RRH: variants seen among roughly 807,000 people sequenced by gnomAD.
RRH encodes the protein visual pigment-like receptor peropsin.
A neutral mutation model predicts 33.1 loss-of-function variants in RRH; 36 were observed. The observed-to-expected ratio is 1.09, with a 90% confidence interval of 0.83 to 1.44. The LOEUF (loss-of-function observed/expected upper bound fraction) is 1.44. RRH is among the 40% of genes most tolerant of loss of function. The probability of loss-of-function intolerance (pLI) is 0.00; values close to 1 mark genes in which losing one functional copy is unlikely to be tolerated. For synonymous variants in RRH, 124 were observed against 140.2 expected, an observed-to-expected ratio of 0.88 and a Z score of 0.82; for missense variants, 393 against 420.2, an observed-to-expected ratio of 0.94 and a Z score of 0.57.
In RRH at chr4:109,833,142, T is replaced by C. The variant is rs1215907588; in HGVS notation, c.110T>C (p.Met37Thr). The change falls in exon 2 of 7, where the codon ATG becomes ACG. Residue 37 changes from methionine to threonine, a missense_variant. Physicochemically the swap from Met to Thr is moderately conservative, Grantham distance 81. Transcript: ENST00000317735. The part of the protein sequence containing the change: ...IVATYLIMAG[M>T]ISIISNIIVL... ...ATATTTTTGTGTGTGTTCTCAGGTA[T>C]GATAAGTATTATCAGCAACATAATA... 8.7e-6 allele frequency: 14 copies of C among 1,612,020 alleles called. No homozygotes were observed. The highest frequency in any genetic ancestry group is 1.2e-5 in the Non-Finnish European group (14 of 1,178,228).
At chr4:109,843,146 G>A (rs889283210) in intron 6 of RRH, among the ~76,000 whole-genome samples, 1 of 152,116 alleles carries the variant, frequency 6.6e-6, no homozygotes, top group Non-Finnish European at 1.5e-5. Flanking sequence ...AACATAAAAG[G>A]CATCTGGATA....
intron 2 of RRH, among the ~76,000 whole-genome samples, chr4:109,834,337 T>A (rs1733831542): frequency 6.7e-6 from 1 of 149,028 alleles, no homozygotes; most frequent in Admixed American, 6.7e-5. Context: ...TTTTTTTTTT[T>A]TTTTTTATTT....
intron 2 of RRH, 130 bp from the exon 3 acceptor site, chr4:109,835,236 A>C: frequency 1.5e-6 from 1 of 680,768 alleles, no homozygotes; most frequent in Admixed American, 2.3e-5. Context: ...TTGACAATGA[A>C]GATGTATTTT....
At position 109,841,364 on chromosome 4, in the gene RRH, C is replaced by T. The variant is rs191252648; in HGVS notation, c.721-1105C>T. Among the ~76,000 whole-genome samples the T allele has an allele frequency of 5.4e-3, 823 of 152,242 alleles. 5 individuals are homozygous for T. Among genetic ancestry groups the T allele is most frequent in the Non-Finnish European group, 7.7e-3 (521 of 68,016 alleles). On this transcript the variant is annotated intron_variant, in intron 5 of 6. Transcript: ENST00000317735. ...AGGTACCCCTCTTTTCAATACAGTACTGAAGTGCTTAGCTGAACCTGGTGT... is the reference window on the plus strand; with the variant it reads ...AGGTACCCCTCTTTTCAATACAGTATTGAAGTGCTTAGCTGAACCTGGTGT...
intron 1 of RRH, among the ~76,000 whole-genome samples, chr4:109,829,093 T>A (rs769544979): frequency 1.8e-4 from 27 of 152,134 alleles, no homozygotes; most frequent in Admixed American, 3.9e-4. Flanking sequence ...GAGTTCATTA[T>A]TTTTTGGATT....
intron 4 of RRH, 127 bp downstream of exon 4, chr4:109,836,287 T>TTC: frequency 1.0e-6 from 1 of 971,644 alleles, no homozygotes; most frequent in Non-Finnish European, 1.6e-6. Context: ...CTGGTAGTGA[T>TTC]GATGTGATTC....
intron 6 of RRH, among the ~76,000 whole-genome samples, 161 bp from the exon 7 acceptor site, chr4:109,843,922 A>G (rs571965380): frequency 6.6e-6 from 1 of 152,334 alleles, no homozygotes; most frequent in African/African-American, 2.4e-5. Flanking sequence ...CATATACTTT[A>G]TATATTTATA....
At position 109,835,888 on chromosome 4, in the gene RRH, A is replaced by T. The variant is rs1733871631; in HGVS notation, c.398-119A>T. The stretch of plus-strand genomic sequence containing the variant: ...GTGTTGCACTCATGTTTTGGCTCCT[A>T]AGGCCAATCAAAGTGCTCTGTAAAG... On this transcript the variant is annotated intron_variant, in intron 3 of 6. Coordinates refer to ENST00000317735, the MANE Select transcript of RRH (RefSeq NM_006583.5). The T allele has an allele frequency of 6.4e-6, 8 of 1,249,756 alleles. No homozygotes were observed. In the Admixed American group the frequency reaches 1.3e-4, roughly 21 times the overall value. 77.4% of individuals were successfully genotyped at this position (1,249,756 alleles called of 1,614,324 possible). A position where few individuals can be genotyped will look rare whatever the true frequency, so the allele number is the denominator to read the frequency against.
At chr4:109,835,332 A>G (rs369033248) in intron 2 of RRH, 34 bp from the exon 3 acceptor site, 7 of 1,411,908 alleles carry the variant, frequency 5.0e-6, no homozygotes, top group Non-Finnish European at 6.0e-6. Context: ...GAGGGTGTTT[A>G]GAATGGTAGA....
intron 4 of RRH, among the ~76,000 whole-genome samples, chr4:109,836,846 G>T (rs2125893368): frequency 6.9e-6 from 1 of 143,922 alleles, no homozygotes; most frequent in Admixed American, 7.0e-5. Context: ...CTTCAGCCCA[G>T]GAGTTTGAGA....
At chr4:109,839,437 G>A (rs1297937327) in intron 5 of RRH, among the ~76,000 whole-genome samples, 2 of 152,106 alleles carry the variant, frequency 1.3e-5, no homozygotes, top group Non-Finnish European at 2.9e-5. Context: ...TTACAGATAG[G>A]AGAAAAACCA....
intron 2 of RRH, among the ~76,000 whole-genome samples, chr4:109,834,059 T>C (rs10020617): frequency 0.23 from 35,096 of 152,092 alleles, 5,092 homozygotes; most frequent in East Asian, 0.43. Flanking sequence ...CTCCCATGAA[T>C]GTTTTTCTCT....
Position 109,836,013 on chromosome 4 carries a change from G to A in RRH, c.404G>A (p.Arg135Lys). Reference protein sequence around the residue: ...LTICLPDVGRRMTTNTYIGLI... With the variant: ...LTICLPDVGRKMTTNTYIGLI... ...TTCCTGTGCTTGATAATAGGGAGAA[G>A]AATGACCACCAACACTTACATCGGC... The change falls in exon 4 of 7, where the codon AGA becomes AAA. Residue 135 changes from arginine to lysine, a missense_variant. Arg to Lys is a conservative substitution (Grantham distance 26). Coordinates refer to ENST00000317735, the MANE Select transcript of RRH (RefSeq NM_006583.5). 2.5e-6 allele frequency: 4 copies of A among 1,614,184 alleles called. No homozygotes were observed. The South Asian group carries it at 3.3e-5, about 13-fold the overall frequency.
In RRH at chr4:109,837,581, G is replaced by A; in HGVS notation, c.696G>A (p.Trp232Ter). The A allele has an allele frequency of 3.7e-6, 6 of 1,613,990 alleles. No homozygotes were observed. The highest frequency in any genetic ancestry group is 5.1e-6 in the Non-Finnish European group (6 of 1,179,910). The change falls in exon 5 of 7, where the codon TGG becomes TGA. Residue 232 changes from tryptophan (W) to a stop codon, truncating the protein, a stop_gained. Transcript: ENST00000317735. LOFTEE classifies it high-confidence loss of function. ...GCACTGAGTCCCTCAACAGAGACTG[G>A]TCAGATCAGATAGATGTAACAAAGG... ...SDCTESLNRD[W>*]SDQIDVTKMS...
Position 109,836,171 on chromosome 4 carries a change from A to AGTC in RRH, c.551+13_551+14insCGT. 1.9e-6 allele frequency: 3 copies of AGTC among 1,613,618 alleles called. No individual in the cohort carries two copies. Among genetic ancestry groups the AGTC allele is most frequent in the Non-Finnish European group, 2.5e-6 (3 of 1,179,540 alleles). On this transcript the variant is annotated intron_variant, in intron 4 of 6. Transcript: ENST00000317735. ...GAGGAAAAATGATAGGTAAGAGACA[A>AGTC]GTTTACACTTTATAATCAAATGCTT...
chr4:109,830,982 C>G (rs1280961516), intron 1 of RRH, among the ~76,000 whole-genome samples: 4 of 152,092 alleles, frequency 2.6e-5, no homozygotes, highest in Admixed American at 6.6e-5. Context: ...AATCTAACAA[C>G]TAGGTGATCT....
chr4:109,828,040 A>G lies in RRH; in HGVS notation c.13A>G (p.Asn5Asp). The change falls in exon 1 of 7, where the codon AAT becomes GAT. Residue 5 changes from asparagine (N) to aspartate (D), a missense_variant. Coordinates refer to ENST00000317735, the MANE Select transcript of RRH (RefSeq NM_006583.5). ...TCTTCCCTCCAAAATGCTAAGAAAT[A>G]ATTTAGGCAACAGTTCAGACTCTAA... MLRN[N>D]LGNSSDSKNE... 1 of 1,609,098 alleles carries G rather than the reference A, an allele frequency of 6.2e-7. No individual in the cohort carries two copies. The highest frequency in any genetic ancestry group is 8.5e-7 in the Non-Finnish European group (1 of 1,175,706).
At chr4:109,836,200 A>G (rs1733882104) in intron 4 of RRH, 40 bp downstream of exon 4, 2 of 1,602,124 alleles carry the variant, frequency 1.2e-6, no homozygotes. Flanking sequence ...AATGCTTCTA[A>G]TGTAGACATT....
At chr4:109,836,364 C>G (rs988585063) in intron 4 of RRH, among the ~76,000 whole-genome samples, 1 of 152,226 alleles carries the variant, frequency 6.6e-6, no homozygotes, top group Non-Finnish European at 1.5e-5. Context: ...ATCCAGCTCC[C>G]TTTGTCTCCT....
Sources: allele counts gnomAD v4.1 joint callset (sites outside exome capture counted in the v4.1 genomes callset), GRCh38; gene constraint gnomAD v4.1.1; transcripts MANE v1.5; gene names NCBI Gene and HGNC (gene_info 2026-07-23, HGNC 2026-07-21).